Variants in TGM5 observed in about 807,000 individuals in gnomAD.
The protein encoded by TGM5 is transglutaminase 5, also known as protein-glutamine gamma-glutamyltransferase 5.
Under a neutral mutation model 77.2 loss-of-function variants are expected in TGM5, and 69 were observed. That is an observed-to-expected ratio of 0.89 (90% CI 0.74 to 1.09). The LOEUF (loss-of-function observed/expected upper bound fraction) is 1.09, where lower values mean the gene tolerates loss of function less well. Among genes scored for constraint, TGM5 ranks in the 50% least tolerant of loss-of-function variants. TGM5 has a pLI of 0.00. For missense variants in TGM5, 842 were observed against 896.5 expected, an observed-to-expected ratio of 0.94 and a Z score of 0.78; for synonymous variants, 346 against 351.8, an observed-to-expected ratio of 0.98 and a Z score of 0.18.
At chr15:43,248,325 A>G (rs1226691709) in intron 6 of TGM5, among the ~76,000 whole-genome samples, 2 of 152,104 alleles carry the variant, frequency 1.3e-5, no homozygotes, top group Non-Finnish European at 2.9e-5. Context: ...GGAACCCACC[A>G]CCACGCCCAG....
At chr15:43,249,286 T>C (rs1365603096) in intron 6 of TGM5, among the ~76,000 whole-genome samples, 1 of 152,206 alleles carries the variant, frequency 6.6e-6, no homozygotes, top group African/African-American at 2.4e-5. Context: ...ATAATTCACA[T>C]ACCATAAAGT....
intron 8 of TGM5, 39 bp from the exon 9 acceptor site, chr15:43,239,095 G>A (rs749396908): frequency 6.2e-7 from 1 of 1,613,962 alleles, no homozygotes; most frequent in Non-Finnish European, 8.5e-7. Context: ...GCTGTTTGTT[G>A]CAGGGCTGGG....
intron 1 of TGM5, among the ~76,000 whole-genome samples, chr15:43,263,429 T>G (rs145246107): frequency 3.8e-3 from 575 of 152,330 alleles, no homozygotes; most frequent in African/African-American, 0.013. Context: ...TGGCACTTCT[T>G]GATCAAGGCA....
At chr15:43,249,807 T>A (rs2042692299) in intron 6 of TGM5, among the ~76,000 whole-genome samples, 1 of 152,200 alleles carries the variant, frequency 6.6e-6, no homozygotes, top group African/African-American at 2.4e-5. Context: ...TATAACCTCA[T>A]CTTTGAGGCA....
At chr15:43,250,343 G>A (rs1276668805) in intron 6 of TGM5, among the ~76,000 whole-genome samples, 1 of 152,162 alleles carries the variant, frequency 6.6e-6, no homozygotes, top group African/African-American at 2.4e-5. Context: ...CTATGAGGTA[G>A]GTACCACTAC....
chr15:43,258,304 T>C (rs572959), intron 3 of TGM5, among the ~76,000 whole-genome samples: 72,386 of 151,612 alleles, frequency 0.48, 22,036 homozygotes, highest in African/African-American at 0.87. Flanking sequence ...ACCTGGGTAA[T>C]AAAATAATGC....
intron 9 of TGM5, among the ~76,000 whole-genome samples, chr15:43,237,827 C>T (rs967483162): frequency 6.6e-6 from 1 of 152,252 alleles, no homozygotes; most frequent in Non-Finnish European, 1.5e-5. Context: ...TGTACTCTTA[C>T]ATCCACTTCC....
At chr15:43,248,722 C>T (rs899532317) in intron 6 of TGM5, among the ~76,000 whole-genome samples, 3 of 152,154 alleles carry the variant, frequency 2.0e-5, no homozygotes, top group Admixed American at 6.5e-5. Context: ...AGAGTTTGAA[C>T]TGGGATCTAA....
chr15:43,260,902 G>T (rs1300149721), intron 1 of TGM5, among the ~76,000 whole-genome samples: 1 of 151,794 alleles, frequency 6.6e-6, no homozygotes, highest in Non-Finnish European at 1.5e-5. Context: ...AAGTTTGATT[G>T]CTCCCTTCAG....
rs756913319 is a variant in TGM5, at chr15:43,256,609, T to C, written c.514A>G (p.Ser172Gly). ...MNDYGFIYQGSKNWIRPCPWN... is the reference protein window; with the variant it reads ...MNDYGFIYQGGKNWIRPCPWN... ...GGACATGGGCGGATCCAGTTCTTGC[T>C]GCCTTGGTAGATGAAGCCATAATCA... Residue 172 changes from serine to glycine, a missense_variant, in exon 4 of 13, where the codon AGC (serine) becomes GGC (glycine). Physicochemically the swap from Ser to Gly is moderately conservative, Grantham distance 56. Around this residue, in one of 2 missense-constraint regions of TGM5, gnomAD observed 815 missense variants for 844.6 expected, o/e 0.96. Coordinates refer to ENST00000220420, the MANE Select transcript of TGM5 (RefSeq NM_201631.4). 6.2e-7 allele frequency: 1 copy of C among 1,614,180 alleles called. No individual in the cohort carries two copies.
Position 43,233,288 on chromosome 15 carries a change from A to C in TGM5, c.2066T>G (p.Phe689Cys), listed in dbSNP as rs780659986. 3 of 1,614,018 alleles carry C rather than the reference A, an allele frequency of 1.9e-6. No homozygotes were observed. Reference sequence around the variant, plus strand: ...TTGGATCTGCCTTTGTCCACTCTTGAAGGGGACGGTCTCCAGAATGATGCT... The same window carrying C: ...TTGGATCTGCCTTTGTCCACTCTTGCAGGGGACGGTCTCCAGAATGATGCT... Reference protein sequence around the residue: ...QASIILETVPFKSGQRQIQAN... With the variant: ...QASIILETVPCKSGQRQIQAN... The change falls in exon 13 of 13, where the codon TTC becomes TGC. Residue 689 changes from phenylalanine to cysteine, a missense_variant. Coordinates refer to ENST00000220420, the MANE Select transcript of TGM5 (RefSeq NM_201631.4).
At chr15:43,241,385 G>A (rs778814252) in intron 6 of TGM5, 52 of 322,398 alleles carry the variant, frequency 1.6e-4, no homozygotes, top group Non-Finnish European at 2.8e-4. Context: ...ATTCCTTTCT[G>A]TAGTTAGGAT....
intron 6 of TGM5, among the ~76,000 whole-genome samples, chr15:43,243,843 C>A (rs1441660328): frequency 1.3e-5 from 2 of 152,202 alleles, no homozygotes; most frequent in Non-Finnish European, 2.9e-5. Context: ...TCATAGGTAC[C>A]AGGCATGGTG....
intron 6 of TGM5, chr15:43,247,777 C>T (rs1224495258): frequency 6.6e-6 from 1 of 151,934 alleles, no homozygotes; most frequent in Non-Finnish European, 1.5e-5. Context: ...CTTGACTAGC[C>T]CTAAAAAATA....
intron 9 of TGM5, 24 bp downstream of exon 9, chr15:43,238,793 A>C (rs1207267622): frequency 6.2e-7 from 1 of 1,612,652 alleles, no homozygotes; most frequent in Non-Finnish European, 8.5e-7. Context: ...TGGGGCTCTG[A>C]GTAGGGCTGG....
chr15:43,251,819 C>A (rs1392585386), intron 6 of TGM5, among the ~76,000 whole-genome samples: 1 of 152,214 alleles, frequency 6.6e-6, no homozygotes, highest in Non-Finnish European at 1.5e-5. Flanking sequence ...AAACCAACTT[C>A]CATTTGCCAT....
chr15:43,259,326 G>A (rs28445909), intron 3 of TGM5, among the ~76,000 whole-genome samples: 4,385 of 151,516 alleles, frequency 0.029, 131 homozygotes, highest in Admixed American at 0.087. Flanking sequence ...AAAAAAAACC[G>A]GAAACAGCTA....
At chr15:43,264,074 A>G (rs564946) in intron 1 of TGM5, among the ~76,000 whole-genome samples, 63,791 of 152,140 alleles carry the variant, frequency 0.42, 15,602 homozygotes, top group African/African-American at 0.67. Flanking sequence ...GCTCAACATC[A>G]TTAGTCCTAG....
rs1392657416 is a variant in TGM5, at chr15:43,234,938, A to C, written c.1715-9T>G. 3.7e-6 allele frequency: 6 copies of C among 1,613,722 alleles called. No individual in the cohort carries two copies. The highest frequency in any genetic ancestry group is 1.3e-5 in the African/African-American group (1 of 74,918). On this transcript the variant is annotated splice_polypyrimidine_tract_variant and intron_variant, in intron 10 of 12. Transcript: ENST00000220420. ...GCAGGGGTAGGTCTTTGCTAAAGAA[A>C]GAACACAAGGATGGGGTGAGAGTAG...
Sources: gnomAD v4.1 joint callset for allele counts (sites outside exome capture counted in the v4.1 genomes callset) on GRCh38, gnomAD v4.1.1 for gene constraint, gnomAD v4.1.1 regional missense constraint, MANE v1.5 for transcripts, NCBI Gene and HGNC (gene_info 2026-07-23, HGNC 2026-07-21) for gene names.